PCDHA8: variants seen among roughly 807,000 people sequenced by gnomAD.
The protein encoded by PCDHA8 is protocadherin alpha-8.
A neutral mutation model predicts 61.8 loss-of-function variants in PCDHA8; 53 were observed. The observed-to-expected ratio is 0.86, with a 90% CI of 0.69 to 1.08. The LOEUF is 1.08. Ranked by LOEUF, PCDHA8 falls within the 50% of genes least tolerant of loss-of-function variation. The probability of loss-of-function intolerance (pLI) is 0.00; values close to 1 mark genes in which losing one functional copy is unlikely to be tolerated. For synonymous variants in PCDHA8, 618 were observed against 556.6 expected (o/e 1.11, Z -1.55); for missense variants, 1,293 against 1,245.0 (o/e 1.04, Z -0.58).
intron 3 of PCDHA8, among the ~76,000 whole-genome samples, chr5:140,983,223 C>T (rs2153830857): frequency 6.6e-6 from 1 of 152,270 alleles, no homozygotes; most frequent in Admixed American, 6.5e-5. Context: ...CTAATCCAAA[C>T]TTTCAGGAAA....
rs983313958 is a variant in PCDHA8 at position 140,856,486 on chromosome 5, G to A, written c.2394+12771G>A. The A allele has an allele frequency of 4.4e-6, 7 of 1,598,346 alleles. No homozygotes were observed. The Middle Eastern group carries it at 1.0e-3, about 228-fold the overall frequency. On this transcript the variant is annotated intron_variant, in intron 1 of 3. Transcript: ENST00000531613. ...AGCTCTCAATACCTGAATCCAGACTGCTTGACTCTCGATTTCCACTAGAAG... is the reference window on the plus strand; with the variant it reads ...AGCTCTCAATACCTGAATCCAGACTACTTGACTCTCGATTTCCACTAGAAG...
intron 1 of PCDHA8, chr5:140,877,084 C>G: frequency 6.2e-7 from 1 of 1,613,176 alleles, no homozygotes; most frequent in Non-Finnish European, 8.5e-7. Flanking sequence ...GGTGAGCGCG[C>G]GCGACGCCGG....
At chr5:140,909,215 AC>A (rs1554193695) in intron 1 of PCDHA8, among the ~76,000 whole-genome samples, 1 of 152,160 alleles carries the variant, frequency 6.6e-6, no homozygotes, top group African/African-American at 2.4e-5. Flanking sequence ...GAGTTGATAT[AC>A]CCCTGAGGTA....
At chr5:140,926,728 T>G in intron 1 of PCDHA8, 4 of 1,061,710 alleles carry the variant, frequency 3.8e-6, no homozygotes, top group Non-Finnish European at 5.0e-6. Flanking sequence ...AATGCCGGCG[T>G]TCGGGAGGCG....
intron 1 of PCDHA8, among the ~76,000 whole-genome samples, chr5:140,907,290 G>T (rs1554192922): frequency 1.3e-5 from 2 of 152,200 alleles, no homozygotes; most frequent in East Asian, 3.8e-4. Context: ...CAATCCAGCT[G>T]CTTCAGGATG....
At chr5:140,890,374 A>G (rs1045149611) in intron 1 of PCDHA8, among the ~76,000 whole-genome samples, 1 of 152,000 alleles carries the variant, frequency 6.6e-6, no homozygotes, top group South Asian at 2.1e-4. Context: ...CTGAACAAGT[A>G]CTCTTTCTTA....
intron 3 of PCDHA8, among the ~76,000 whole-genome samples, chr5:140,990,016 G>A (rs1211656433): frequency 6.6e-6 from 1 of 152,138 alleles, no homozygotes; most frequent in East Asian, 1.9e-4. Flanking sequence ...GCGTGGGCTA[G>A]GCAAAGGATG....
intron 1 of PCDHA8, among the ~76,000 whole-genome samples, chr5:140,904,827 T>A (rs1554191731): frequency 2.0e-5 from 3 of 152,064 alleles, no homozygotes; most frequent in African/African-American, 7.2e-5. Context: ...AGCATTTTTT[T>A]ATATGTTTCA....
chr5:140,882,331 C>A, intron 1 of PCDHA8: 1 of 1,614,214 alleles, frequency 6.2e-7, no homozygotes, highest in South Asian at 1.1e-5. Context: ...TTCTGATCCT[C>A]GCAGCCTGGG....
intron 1 of PCDHA8, chr5:140,853,312 G>A (rs931070085): frequency 1.0e-6 from 1 of 983,988 alleles, no homozygotes; most frequent in Non-Finnish European, 1.2e-6. Context: ...GAACACCTTA[G>A]TAATAAATTT....
intron 1 of PCDHA8, chr5:140,865,257 T>G (rs1250591902): frequency 6.6e-6 from 1 of 152,240 alleles, no homozygotes; most frequent in Non-Finnish European, 1.5e-5. Flanking sequence ...TGTAAGGATG[T>G]GTATCAAATT....
At chr5:140,912,441 G>A (rs1460671133) in intron 1 of PCDHA8, among the ~76,000 whole-genome samples, 2 of 151,478 alleles carry the variant, frequency 1.3e-5, no homozygotes, top group Non-Finnish European at 2.9e-5. Flanking sequence ...GCTGATTTGT[G>A]TGCATTGATT....
At chr5:140,927,956 C>G in intron 1 of PCDHA8, 1 of 1,614,224 alleles carries the variant, frequency 6.2e-7, no homozygotes. Flanking sequence ...GACGCTGCCC[C>G]TGGCACAGTG....
chr5:140,916,602 C>T (rs1554197542), intron 1 of PCDHA8, among the ~76,000 whole-genome samples: 2 of 152,240 alleles, frequency 1.3e-5, no homozygotes, highest in African/African-American at 2.4e-5. Context: ...GCCTGGAATG[C>T]GGGCCTCATG....
At position 140,870,848 on chromosome 5, in the gene PCDHA8, G is replaced by C. The variant is rs368769297; in HGVS notation, c.2394+27133G>C. The C allele has an allele frequency of 2.2e-5, 35 of 1,613,876 alleles. No homozygotes were observed. In the African/African-American group the frequency reaches 3.3e-4, roughly 15 times the overall value. ...GGCGCAGTTAACAAGCTAGTACCGCGGTCGGTGGGTGCGGGCCACGTGGTG... is the reference window on the plus strand; with the variant it reads ...GGCGCAGTTAACAAGCTAGTACCGCCGTCGGTGGGTGCGGGCCACGTGGTG... On this transcript the variant is annotated intron_variant, in intron 1 of 3. Transcript: ENST00000531613.
At chr5:140,895,253 CT>C (rs1411327383) in intron 1 of PCDHA8, among the ~76,000 whole-genome samples, 2 of 151,968 alleles carry the variant, frequency 1.3e-5, no homozygotes, top group Non-Finnish European at 2.9e-5. Context: ...TCAAAGCTTT[CT>C]TTTTTTTCTT....
chr5:141,006,157 A>G (rs2098258108), intron 3 of PCDHA8, among the ~76,000 whole-genome samples: 1 of 150,182 alleles, frequency 6.7e-6, no homozygotes, highest in Non-Finnish European at 1.5e-5. Context: ...GGAGTGATAT[A>G]ATCTGATTTA....
Position 140,971,633 on chromosome 5 carries a change from T to A in PCDHA8, c.2395-7316T>A, listed in dbSNP as rs540754440. 2.0e-5 allele frequency among the ~76,000 whole-genome samples: 3 copies of A among 152,294 alleles called. No individual in the cohort carries two copies. The South Asian group carries it at 6.2e-4, about 32-fold the overall frequency. On this transcript the variant is annotated intron_variant, in intron 1 of 3. Transcript: ENST00000531613. ...GAGTCCTGGGGTACAATTAGTACCA[T>A]GTGCCTACATTAAAAGTAGATGGGA...
intron 1 of PCDHA8, among the ~76,000 whole-genome samples, chr5:140,923,204 C>T (rs1175108066): frequency 1.3e-5 from 2 of 151,950 alleles, no homozygotes; most frequent in Non-Finnish European, 2.9e-5. Flanking sequence ...ATTTGGGAGG[C>T]TAAGGTGAAA....
Sources: gnomAD v4.1 joint callset for allele counts (sites outside exome capture counted in the v4.1 genomes callset) on GRCh38, gnomAD v4.1.1 for gene constraint, MANE v1.5 for transcripts, NCBI Gene and HGNC (gene_info 2026-07-23, HGNC 2026-07-21) for gene names.